OAS3: variants seen among roughly 807,000 people sequenced by gnomAD.
OAS3 encodes 2'-5'-oligoadenylate synthase 3.
OAS3 carries 107 observed loss-of-function variants against 113.0 expected under a neutral mutation model. That is an observed-to-expected ratio of 0.95 (90% CI 0.81 to 1.11). OAS3 has a LOEUF of 1.11. Ranked by LOEUF, OAS3 falls within the 50% of genes most tolerant of loss-of-function variation. The probability of loss-of-function intolerance (pLI) is 0.00; values close to 1 mark genes in which losing one functional copy is unlikely to be tolerated. For synonymous variants in OAS3, 552 were observed against 573.6 expected, an observed-to-expected ratio of 0.96 and a Z score of 0.54; for missense variants, 1,258 against 1,389.1, an observed-to-expected ratio of 0.91 and a Z score of 1.50.
chr12:112,964,338 A>G lies in OAS3; in HGVS notation c.2333A>G (p.Asp778Gly), dbSNP rs2043915154. The part of the protein sequence containing the change: ...QFLAQVNKAV[D>G]TICSFLKENC... ...CTGGCCCAGGTGAACAAGGCCGTTG[A>G]TACCATCTGTTCATTTTTGAAGGAA... Residue 778 changes from aspartate to glycine, a missense_variant, in exon 11 of 16, where the codon GAT becomes GGT. Physicochemically the swap from Asp to Gly is moderately conservative, Grantham distance 94 (BLOSUM62 -1). Coordinates refer to ENST00000228928, the MANE Select transcript of OAS3 (RefSeq NM_006187.4). 6.2e-7 allele frequency: 1 copy of G among 1,612,058 alleles called. No homozygotes were observed. The highest frequency in any genetic ancestry group is 8.5e-7 in the Non-Finnish European group (1 of 1,179,162).
At chr12:112,939,774 G>A (rs1008559692) in intron 1 of OAS3, among the ~76,000 whole-genome samples, 2 of 152,170 alleles carry the variant, frequency 1.3e-5, no homozygotes, top group Non-Finnish European at 2.9e-5. Context: ...TATCCTCAGG[G>A]TAGATTTGGG....
chr12:112,943,338 G>A (rs906876269), intron 2 of OAS3, among the ~76,000 whole-genome samples: 2 of 152,144 alleles, frequency 1.3e-5, no homozygotes, highest in African/African-American at 4.8e-5. Context: ...ACAAACTTAT[G>A]AGGTCTGTAC....
rs1472523326 is a variant in OAS3 at position 112,970,095 on chromosome 12, T to C, written c.*122T>C. 2.7e-6 allele frequency: 3 copies of C among 1,092,120 alleles called. No individual in the cohort carries two copies. The highest frequency in any genetic ancestry group is 1.6e-5 in the African/African-American group (1 of 64,248). 67.7% of individuals were successfully genotyped at this position (1,092,120 alleles called of 1,614,324 possible). A position where few individuals can be genotyped will look rare whatever the true frequency, so the allele number is the denominator to read the frequency against. On this transcript the variant is annotated 3_prime_UTR_variant, in exon 16 of 16. Coordinates refer to ENST00000228928, the MANE Select transcript of OAS3 (RefSeq NM_006187.4). ...GTGTACATGTGTGTGTGAGCACATG[T>C]GTGCATGTGTGTGCACACGTGTGCA...
At chr12:112,945,993 A>AAATT (rs1261107406) in intron 3 of OAS3, among the ~76,000 whole-genome samples, 2 of 152,098 alleles carry the variant, frequency 1.3e-5, no homozygotes, top group African/African-American at 4.8e-5. Flanking sequence ...CTCTGTCTAT[A>AAATT]AATTAATTAA....
chr12:112,950,050 A>G (rs928557533), intron 6 of OAS3, among the ~76,000 whole-genome samples: 11 of 152,172 alleles, frequency 7.2e-5, no homozygotes, highest in Admixed American at 2.6e-4. Flanking sequence ...ATAAAATTGC[A>G]GTCTTGCACT....
Position 112,947,018 on chromosome 12 carries a change from C to T in OAS3, c.875+37C>T, listed in dbSNP as rs762322365. ...TAGCCCACCATCTGCTCTCCTGTCC[C>T]GGGGCCAGGGGGAGATAATTGACAA... On this transcript the variant is annotated intron_variant, in intron 4 of 15. Transcript: ENST00000228928. 12 of 1,560,234 alleles carry T rather than the reference C, an allele frequency of 7.7e-6. No homozygotes were observed. In the East Asian group the frequency reaches 1.6e-4, roughly 20 times the overall value.
chr12:112,965,963 C>T lies in OAS3; in HGVS notation c.2623C>T (p.Leu875=), dbSNP rs368507843. The T allele has an allele frequency of 1.2e-6, 2 of 1,613,940 alleles. No individual in the cohort carries two copies. Among genetic ancestry groups the T allele is most frequent in the Non-Finnish European group, 1.7e-6 (2 of 1,179,912 alleles). The change falls in exon 12 of 16, where the codon CTG becomes TTG. Residue 875 remains leucine, a synonymous_variant. Coordinates refer to ENST00000228928, the MANE Select transcript of OAS3 (RefSeq NM_006187.4). ...WENPRVLSFS[L]TSQTMLDQSV... ...GAATCCCCGCGTGCTGAGCTTCTCA[C>T]TGACATCCCAGACGATGCTGGACCA...
intron 5 of OAS3, 92 bp from the exon 6 acceptor site, chr12:112,948,769 T>C: frequency 2.0e-6 from 2 of 994,116 alleles, no homozygotes; most frequent in Middle Eastern, 2.2e-4. Context: ...TCACCCTGAC[T>C]GTACAAAGGG....
chr12:112,945,630 G>A (rs1211764274), intron 3 of OAS3, among the ~76,000 whole-genome samples: 1 of 152,176 alleles, frequency 6.6e-6, no homozygotes. Context: ...TCATAAGCAG[G>A]TCTCTCAAGG....
At chr12:112,952,779 TCTG>T (rs926794449) in intron 7 of OAS3, among the ~76,000 whole-genome samples, 3 of 152,240 alleles carry the variant, frequency 2.0e-5, no homozygotes, top group Non-Finnish European at 2.9e-5. Context: ...TTTCCTTAGT[TCTG>T]CTGTCTTCTT....
chr12:112,964,300 C>T lies in OAS3; in HGVS notation c.2295C>T (p.Pro765=), dbSNP rs2043914620. Residue 765 remains proline, a synonymous_variant, in exon 11 of 16, where the codon CCC becomes CCT. Transcript: ENST00000228928. Reference sequence around the variant, plus strand: ...AGTTCATCAGTGAATTTCTCCAGCCCAACCGCCAGTTCCTGGCCCAGGTGA... The same window carrying T: ...AGTTCATCAGTGAATTTCTCCAGCCTAACCGCCAGTTCCTGGCCCAGGTGA... ...LDKFISEFLQ[P]NRQFLAQVNK... is the part of the protein sequence containing the mutation. The T allele has an allele frequency of 6.2e-7, 1 of 1,607,554 alleles. No individual in the cohort carries two copies. The highest frequency in any genetic ancestry group is 8.5e-7 in the Non-Finnish European group (1 of 1,176,890).
Position 112,946,852 on chromosome 12 carries a change from C to T in OAS3, c.746C>T (p.Ala249Val), listed in dbSNP as rs2043735741. 5.0e-6 allele frequency: 8 copies of T among 1,613,990 alleles called. No homozygotes were observed. The East Asian group carries it at 1.6e-4, about 31-fold the overall frequency. Residue 249 changes from alanine to valine, a missense_variant, in exon 4 of 16, where the codon GCC becomes GTC. Physicochemically the swap from Ala to Val is moderately conservative, Grantham distance 64. Coordinates refer to ENST00000228928, the MANE Select transcript of OAS3 (RefSeq NM_006187.4). ...QGCKKDAFSL[A>V]EGLRTVLGLI... ...TGTAAGAAGGATGCTTTCAGCCTAGCCGAAGGCCTCCGAACTGTCCTGGGC... is the reference window on the plus strand; with the variant it reads ...TGTAAGAAGGATGCTTTCAGCCTAGTCGAAGGCCTCCGAACTGTCCTGGGC...
At chr12:112,948,817 A>T (rs1207967696) in intron 5 of OAS3, 44 bp from the exon 6 acceptor site, 1 of 1,461,724 alleles carries the variant, frequency 6.8e-7, no homozygotes, top group East Asian at 2.5e-5. Flanking sequence ...TTGATGCAGA[A>T]ACCACTGCGC....
At chr12:112,953,158 C>T (rs1237728746) in intron 7 of OAS3, among the ~76,000 whole-genome samples, 1 of 150,350 alleles carries the variant, frequency 6.7e-6, no homozygotes, top group East Asian at 1.9e-4. Context: ...CCACGACAGG[C>T]CCTGGTGTGT....
Position 112,944,558 on chromosome 12 carries a change from G to A in OAS3, c.543G>A (p.Ala181=), listed in dbSNP as rs544632605. The change falls in exon 3 of 16, where the codon GCG becomes GCA. Residue 181 remains alanine (A), a synonymous_variant. Transcript: ENST00000228928. ...GTGGCTGCCAAGGGGGCGAGCATGC[G>A]GCCTGCTTCACAGAGCTGCGGAGGA... The part of the protein sequence containing the change: ...LNSGCQGGEH[A]ACFTELRRNF... The A allele has an allele frequency of 2.6e-5, 42 of 1,614,058 alleles. No individual in the cohort carries two copies. Among genetic ancestry groups the A allele is most frequent in the East Asian group, 1.8e-4 (8 of 44,882 alleles).
intron 7 of OAS3, among the ~76,000 whole-genome samples, chr12:112,955,545 C>T (rs947750082): frequency 6.6e-6 from 1 of 152,156 alleles, no homozygotes; most frequent in Non-Finnish European, 1.5e-5. Flanking sequence ...GTTGAATTTT[C>T]TCAAAGGCCT....
At chr12:112,969,869 T>C in intron 15 of OAS3, 93 bp from the exon 16 acceptor site, 1 of 1,586,674 alleles carries the variant, frequency 6.3e-7, no homozygotes, top group Non-Finnish European at 8.6e-7. Context: ...GCCCCAGGTA[T>C]GCCCCTGTGC....
chr12:112,948,809 G>A, intron 5 of OAS3, 52 bp from the exon 6 acceptor site: 1 of 1,398,370 alleles, frequency 7.2e-7, no homozygotes, highest in Non-Finnish European at 9.7e-7. Flanking sequence ...GCATTGGGTT[G>A]ATGCAGAAAC....
rs1225758054 is a variant in OAS3, at chr12:112,946,947, G to T, written c.841G>T (p.Gly281Trp). The change falls in exon 4 of 16, where the codon GGG becomes TGG. Residue 281 changes from glycine (G) to tryptophan (W), a missense_variant. Transcript: ENST00000228928. ...CTATGGCTTCGAGGACCCTGCAGTTGGGCAGTTCTTGCAGCGGCAGCTTAA... is the reference window on the plus strand; with the variant it reads ...CTATGGCTTCGAGGACCCTGCAGTTTGGCAGTTCTTGCAGCGGCAGCTTAA... ...VNYGFEDPAVGQFLQRQLKRP... is the reference protein window; with the variant it reads ...VNYGFEDPAVWQFLQRQLKRP... The T allele has an allele frequency of 1.2e-6, 2 of 1,614,008 alleles. No homozygotes were observed. Among genetic ancestry groups the T allele is most frequent in the South Asian group, 2.2e-5 (2 of 91,072 alleles).
Sources: gnomAD v4.1 joint callset for allele counts (sites outside exome capture counted in the v4.1 genomes callset) on GRCh38, gnomAD v4.1.1 for gene constraint, MANE v1.5 for transcripts, NCBI Gene and HGNC (gene_info 2026-07-23, HGNC 2026-07-21) for gene names.